Variants in PKHD1 observed in about 807,000 individuals in gnomAD.
PKHD1 encodes fibrocystin.
A neutral mutation model predicts 412.0 loss-of-function variants in PKHD1; 291 were observed. The ratio of observed to expected loss-of-function variants is 0.71; its 90% CI spans 0.64 to 0.78. The LOEUF (loss-of-function observed/expected upper bound fraction) is 0.78, where lower values mean the gene tolerates loss of function less well. Ranked by LOEUF, PKHD1 falls within the 30% of genes least tolerant of loss-of-function variation. The pLI, the probability that PKHD1 is intolerant of heterozygous loss-of-function variation, is 0.00. For missense variants in PKHD1, 4,825 were observed against 4,950.7 expected (o/e 0.97, Z 0.76); for synonymous variants, 1,777 against 1,821.5 (o/e 0.98, Z 0.62).
chr6:51,778,791 C>T (rs1582639936), intron 53 of PKHD1, among the ~76,000 whole-genome samples: 1 of 152,238 alleles, frequency 6.6e-6, no homozygotes, highest in Non-Finnish European at 1.5e-5. Flanking sequence ...CTAGTTTGCA[C>T]TTAAGCCCAC....
chr6:51,716,184 A>T lies in PKHD1; in HGVS notation c.10156+28201T>A, dbSNP rs556202482. ...TTTTGTATAATAAGGCCAAGAGAAG[A>T]CCAAAAGCTAGAATGTTCTGTGAAT... On this transcript the variant is annotated intron_variant, in intron 60 of 66. Coordinates refer to ENST00000371117, the MANE Select transcript of PKHD1 (RefSeq NM_138694.4). Among the ~76,000 whole-genome samples, 3 of 152,346 alleles carry T rather than the reference A, an allele frequency of 2.0e-5. No homozygotes were observed. In the East Asian group the frequency reaches 5.8e-4, roughly 29 times the overall value.
At chr6:51,771,935 C>G (rs573803542) in intron 55 of PKHD1, among the ~76,000 whole-genome samples, 1 of 152,174 alleles carries the variant, frequency 6.6e-6, no homozygotes, top group South Asian at 2.1e-4. Flanking sequence ...CTTTCCTTTA[C>G]TTTTTGTTCA....
chr6:51,910,241 A>C (rs959320477), intron 39 of PKHD1, among the ~76,000 whole-genome samples: 1 of 152,136 alleles, frequency 6.6e-6, no homozygotes, highest in African/African-American at 2.4e-5. Context: ...TTGGTGGTAC[A>C]AACTAATCTG....
chr6:51,642,711 G>T (rs1769529798), intron 63 of PKHD1, among the ~76,000 whole-genome samples: 1 of 152,060 alleles, frequency 6.6e-6, no homozygotes, highest in Admixed American at 6.6e-5. Flanking sequence ...GTGGTGGTGG[G>T]CACCTGTAAT....
chr6:51,661,039 G>GA (rs752142392), intron 60 of PKHD1, among the ~76,000 whole-genome samples: 1 of 146,390 alleles, frequency 6.8e-6, no homozygotes. Flanking sequence ...TAGCTCATTA[G>GA]AAAAAAAAGA....
chr6:51,934,892 A>G (rs1787226727), intron 36 of PKHD1, among the ~76,000 whole-genome samples: 1 of 152,180 alleles, frequency 6.6e-6, no homozygotes, highest in Non-Finnish European at 1.5e-5. Flanking sequence ...TTATCCTACC[A>G]TGGCCAGAGT....
chr6:51,840,667 A>G (rs1482226300), intron 50 of PKHD1, among the ~76,000 whole-genome samples: 1 of 152,222 alleles, frequency 6.6e-6, no homozygotes, highest in Non-Finnish European at 1.5e-5. Context: ...AGGCAAAAAA[A>G]CACAAATGTA....
At chr6:52,003,771 A>C (rs1177431250) in intron 35 of PKHD1, among the ~76,000 whole-genome samples, 1 of 152,218 alleles carries the variant, frequency 6.6e-6, no homozygotes, top group Non-Finnish European at 1.5e-5. Context: ...AGTAAGATTT[A>C]AAATCAGACT....
intron 29 of PKHD1, among the ~76,000 whole-genome samples, chr6:52,031,197 T>C (rs1045865759): frequency 9.2e-5 from 14 of 152,218 alleles, no homozygotes; most frequent in African/African-American, 3.4e-4. Context: ...GAACTGAAGA[T>C]AAAAGAAGTT....
At chr6:51,957,344 T>G (rs1341438331) in intron 36 of PKHD1, among the ~76,000 whole-genome samples, 1 of 152,086 alleles carries the variant, frequency 6.6e-6, no homozygotes, top group Non-Finnish European at 1.5e-5. Context: ...TGCAGGGTAC[T>G]TCTTCTATCT....
chr6:51,668,881 T>A (rs1051801422), intron 60 of PKHD1, among the ~76,000 whole-genome samples: 4 of 152,244 alleles, frequency 2.6e-5, no homozygotes, highest in African/African-American at 9.6e-5. Context: ...CAGCCTTGCA[T>A]CCCAGGGATG....
chr6:51,832,656 A>G (rs1401977725), intron 51 of PKHD1, among the ~76,000 whole-genome samples: 2 of 152,240 alleles, frequency 1.3e-5, no homozygotes, highest in South Asian at 4.1e-4. Context: ...CTCTGAGCCC[A>G]GAGATGAATT....
intron 63 of PKHD1, among the ~76,000 whole-genome samples, chr6:51,643,395 A>T (rs200396929): frequency 2.2e-4 from 12 of 54,690 alleles, no homozygotes; most frequent in Admixed American, 8.3e-4. Flanking sequence ...TTAAAAAAAT[A>T]AAAAAAAAAA....
At chr6:51,633,306 C>A (rs1474420504) in intron 64 of PKHD1, among the ~76,000 whole-genome samples, 1 of 152,098 alleles carries the variant, frequency 6.6e-6, no homozygotes, top group Non-Finnish European at 1.5e-5. Flanking sequence ...ATCTGAAACT[C>A]CTCCCATTTA....
intron 34 of PKHD1, among the ~76,000 whole-genome samples, chr6:52,016,650 A>AAG (rs1554194010): frequency 6.6e-6 from 1 of 150,656 alleles, no homozygotes; most frequent in African/African-American, 2.4e-5. Context: ...AAAAAAAAAA[A>AAG]AAAAGAAAAG....
chr6:51,658,387 A>G (rs1385922505), intron 61 of PKHD1, among the ~76,000 whole-genome samples: 4 of 152,132 alleles, frequency 2.6e-5, no homozygotes, highest in African/African-American at 4.8e-5. Context: ...CAAAAAGACA[A>G]TCAATGTATT....
At chr6:51,623,392 TA>T in intron 66 of PKHD1, among the ~76,000 whole-genome samples, 1 of 152,284 alleles carries the variant, frequency 6.6e-6, no homozygotes, top group South Asian at 2.1e-4. Context: ...TACATTTCTT[TA>T]TTTTTTTTCT....
In PKHD1 at chr6:51,659,878, A is replaced by G. The variant is rs761573522; in HGVS notation, c.10248T>C (p.Asp3416=). 1 of 1,613,486 alleles carries G rather than the reference A, an allele frequency of 6.2e-7. No homozygotes were observed. Among genetic ancestry groups the G allele is most frequent in the Middle Eastern group, 1.7e-4 (1 of 6,054 alleles). The stretch of plus-strand genomic sequence containing the variant: ...GAATTGCCCAAATGGCATCAGCGCT[A>G]TCAAGAATTAGGACCACTTGGTCAG... ...KQTDQVVLIL[D]SADAIWAIQK... is the part of the protein sequence containing the mutation. The change falls in exon 61 of 67, where the codon GAT becomes GAC. Residue 3416 remains aspartate, a synonymous_variant. Coordinates refer to ENST00000371117, the MANE Select transcript of PKHD1 (RefSeq NM_138694.4).
intron 35 of PKHD1, among the ~76,000 whole-genome samples, chr6:51,996,073 C>G (rs1797678184): frequency 6.6e-6 from 1 of 151,524 alleles, no homozygotes; most frequent in African/African-American, 2.4e-5. Flanking sequence ...TGGTGCAATC[C>G]TGGCTCACTG....
Sources: allele counts gnomAD v4.1 joint callset (sites outside exome capture counted in the v4.1 genomes callset), GRCh38; gene constraint gnomAD v4.1.1; transcripts MANE v1.5; gene names NCBI Gene and HGNC (gene_info 2026-07-23, HGNC 2026-07-21).